MAGI3: variants seen among roughly 807,000 people sequenced by gnomAD.
MAGI3 encodes membrane-associated guanylate kinase, WW and PDZ domain-containing protein 3.
In MAGI3, 43 loss-of-function variants were observed where a neutral mutation model predicts 121.8. The ratio of observed to expected loss-of-function variants is 0.35; its 90% CI spans 0.28 to 0.46. MAGI3 has a LOEUF of 0.46. Ranked by LOEUF, MAGI3 falls within the 20% of genes least tolerant of loss-of-function variation. MAGI3 has a pLI of 1.00. For synonymous variants in MAGI3, 553 were observed against 639.3 expected (o/e 0.86, Z 2.04); for missense variants, 1,547 against 1,797.3 (o/e 0.86, Z 2.52).
At chr1:113,446,070 TTA>T (rs1279986513) in intron 1 of MAGI3, among the ~76,000 whole-genome samples, 6 of 152,358 alleles carry the variant, frequency 3.9e-5, no homozygotes, top group Admixed American at 3.9e-4. Context: ...GAGTAATACA[TTA>T]AGAAAAACAA....
In MAGI3 at chr1:113,422,540, C is replaced by T. The variant is rs1045916988; in HGVS notation, c.316+31191C>T. Among the ~76,000 whole-genome samples the T allele has an allele frequency of 1.3e-5, 2 of 152,228 alleles. No homozygotes were observed. The highest frequency in any genetic ancestry group is 2.9e-5 in the Non-Finnish European group (2 of 68,044). On this transcript the variant is annotated intron_variant, in intron 1 of 20. Coordinates refer to ENST00000307546, the MANE Select transcript of MAGI3 (RefSeq NM_001142782.2). The surrounding 1 kb of genome is among the most constrained non-coding windows in gnomAD (Gnocchi z 4.3). Reference sequence around the variant, plus strand: ...GAGCGAGTGTGGGGTCTGGCCACTGCGCACAGACAGGCATGCCAGCTGCTG... The same window carrying T: ...GAGCGAGTGTGGGGTCTGGCCACTGTGCACAGACAGGCATGCCAGCTGCTG...
At chr1:113,450,079 A>G (rs1654399321) in intron 1 of MAGI3, 74 of 1,514,392 alleles carry the variant, frequency 4.9e-5, no homozygotes, top group Non-Finnish European at 6.5e-5. Flanking sequence ...TTTGAAAAGT[A>G]TGGCAAAATT....
intron 1 of MAGI3, among the ~76,000 whole-genome samples, chr1:113,426,995 C>T (rs1458265435): frequency 6.6e-6 from 1 of 151,992 alleles, no homozygotes; most frequent in East Asian, 1.9e-4. Flanking sequence ...TCTCTCCCCC[C>T]TCTCTTTATA....
intron 16 of MAGI3, among the ~76,000 whole-genome samples, chr1:113,667,131 T>C (rs1654079572): frequency 6.6e-6 from 1 of 152,174 alleles, no homozygotes; most frequent in African/African-American, 2.4e-5. Flanking sequence ...AATGAGCACA[T>C]GAATTTACCA....
intron 1 of MAGI3, among the ~76,000 whole-genome samples, chr1:113,428,870 T>G (rs1368044526): frequency 1.3e-5 from 2 of 152,196 alleles, no homozygotes; most frequent in African/African-American, 4.8e-5. Context: ...ACTTCAGAGT[T>G]TTCCAGTAAC....
At chr1:113,643,857 TG>T in intron 11 of MAGI3, 83 bp downstream of exon 11, 2 of 1,342,720 alleles carry the variant, frequency 1.5e-6, no homozygotes, top group Non-Finnish European at 2.1e-6. Flanking sequence ...GAGCTCACTG[TG>T]GTGATGATTA....
intron 1 of MAGI3, among the ~76,000 whole-genome samples, chr1:113,415,666 A>G (rs746297966): frequency 6.6e-5 from 10 of 151,956 alleles, no homozygotes; most frequent in Non-Finnish European, 1.3e-4. Flanking sequence ...TGCAAATCTT[A>G]CAAGTGTGGA....
intron 1 of MAGI3, among the ~76,000 whole-genome samples, chr1:113,542,892 T>A (rs922879413): frequency 1.3e-5 from 2 of 152,176 alleles, no homozygotes; most frequent in African/African-American, 4.8e-5. Context: ...ACATCCCAGG[T>A]CTGTCACTTA....
chr1:113,665,888 TA>T (rs1336909665), intron 16 of MAGI3, among the ~76,000 whole-genome samples: 4 of 152,326 alleles, frequency 2.6e-5, no homozygotes, highest in African/African-American at 9.6e-5. Flanking sequence ...CAGGTTCAGT[TA>T]TAGGCCACTG....
intron 1 of MAGI3, among the ~76,000 whole-genome samples, chr1:113,532,182 A>G (rs930929070): frequency 1.3e-5 from 2 of 152,168 alleles, no homozygotes; most frequent in Non-Finnish European, 2.9e-5. Context: ...CCTACTGCTT[A>G]AAGACTATTT....
chr1:113,524,177 A>G (rs950071737), intron 1 of MAGI3, among the ~76,000 whole-genome samples: 1 of 152,222 alleles, frequency 6.6e-6, no homozygotes, highest in African/African-American at 2.4e-5. Context: ...TTGGATGTCC[A>G]GGCAGAAGTT....
intron 1 of MAGI3, among the ~76,000 whole-genome samples, chr1:113,491,207 C>G (rs943308196): frequency 2.0e-5 from 3 of 152,134 alleles, no homozygotes; most frequent in African/African-American, 7.2e-5. Context: ...AATTAGAAAT[C>G]AAGACTAAGA....
chr1:113,673,331 T>C lies in MAGI3; in HGVS notation c.3055T>C (p.Cys1019Arg), dbSNP rs571057628. 1 of 1,610,094 alleles carries C rather than the reference T, an allele frequency of 6.2e-7. No homozygotes were observed. The highest frequency in any genetic ancestry group is 1.7e-5 in the Admixed American group (1 of 58,746). Reference sequence around the variant, plus strand: ...ACTTCTTTCTCTCTAGAACCTTGGTTGTTATCCAGTAGAGCTGGAGAGAGG... The same window carrying C: ...ACTTCTTTCTCTCTAGAACCTTGGTCGTTATCCAGTAGAGCTGGAGAGAGG... ...VGSRHNQNLG[C>R]YPVELERGPR... Residue 1019 changes from cysteine (C) to arginine (R), a missense_variant, in exon 19 of 21, where the codon TGT becomes CGT. Cys to Arg is a radical substitution (Grantham distance 180). Transcript: ENST00000307546.
chr1:113,426,102 T>G (rs1195165680), intron 1 of MAGI3, among the ~76,000 whole-genome samples: 1 of 152,226 alleles, frequency 6.6e-6, no homozygotes. Flanking sequence ...TATATTTTCA[T>G]TTTCATTCAA....
chr1:113,642,424 A>G lies in MAGI3; in HGVS notation c.1874A>G (p.Gln625Arg), dbSNP rs1248821518. 6.2e-7 allele frequency: 1 copy of G among 1,614,198 alleles called. No homozygotes were observed. Among genetic ancestry groups the G allele is most frequent in the Non-Finnish European group, 8.5e-7 (1 of 1,180,028 alleles). ...KGDIIKEIYH[Q>R]NVQNLTHLQV... Reference sequence around the variant, plus strand: ...GATATAATTAAGGAAATATACCATCAAAATGTGCAGAATTTAACACATCTC... The same window carrying G: ...GATATAATTAAGGAAATATACCATCGAAATGTGCAGAATTTAACACATCTC... Residue 625 changes from glutamine to arginine, a missense_variant, in exon 10 of 21, where the codon CAA (glutamine) becomes CGA (arginine). Gln to Arg is a conservative substitution (Grantham distance 43). Transcript: ENST00000307546.
intron 1 of MAGI3, among the ~76,000 whole-genome samples, chr1:113,441,136 A>G (rs914605086): frequency 6.6e-6 from 1 of 152,076 alleles, no homozygotes; most frequent in Non-Finnish European, 1.5e-5. Context: ...TTCAATGTCA[A>G]CTTCCGGAAG....
At chr1:113,568,874 A>G (rs1188439568) in intron 2 of MAGI3, among the ~76,000 whole-genome samples, 3 of 152,070 alleles carry the variant, frequency 2.0e-5, no homozygotes, top group Non-Finnish European at 2.9e-5. Flanking sequence ...TAGCTTTAGG[A>G]AAGGATTTTT....
chr1:113,532,396 C>T (rs866250743), intron 1 of MAGI3, among the ~76,000 whole-genome samples: 7 of 149,206 alleles, frequency 4.7e-5, no homozygotes, highest in Middle Eastern at 7.1e-3. Context: ...GTGTTACCTG[C>T]ATGTTTGTAT....
chr1:113,633,348 G>A lies in MAGI3; in HGVS notation c.1361-8563G>A, dbSNP rs1039324339. 1.0e-3 allele frequency among the ~76,000 whole-genome samples: 127 copies of A among 125,546 alleles called. 1 individual carries two copies. Among genetic ancestry groups the A allele is most frequent in the Non-Finnish European group, 1.4e-3 (86 of 62,892 alleles). 82.4% of individuals were successfully genotyped at this position (125,546 alleles called of 152,430 possible). ...GGGATCTAGGGTTACTGCAAGCTCCGCCTCCCGGGTTCACGCCATTCTCCT... is the reference window on the plus strand; with the variant it reads ...GGGATCTAGGGTTACTGCAAGCTCCACCTCCCGGGTTCACGCCATTCTCCT... On this transcript the variant is annotated intron_variant, in intron 9 of 20. Coordinates refer to ENST00000307546, the MANE Select transcript of MAGI3 (RefSeq NM_001142782.2).
Sources: allele counts gnomAD v4.1 joint callset (sites outside exome capture counted in the v4.1 genomes callset), GRCh38; gene constraint gnomAD v4.1.1; non-coding constraint Gnocchi (gnomAD v3.1); transcripts MANE v1.5; gene names NCBI Gene and HGNC (gene_info 2026-07-23, HGNC 2026-07-21).